Variants in PLXNA1 observed in about 807,000 individuals in gnomAD.
PLXNA1 encodes the protein plexin A1, also known as plexin-A1.
PLXNA1 carries 77 observed loss-of-function variants against 191.7 expected under a neutral mutation model. That is an observed-to-expected ratio of 0.40 (90% confidence interval 0.33 to 0.49). The LOEUF is 0.49. Among genes scored for constraint, PLXNA1 ranks in the 20% least tolerant of loss-of-function variants. The probability of loss-of-function intolerance (pLI) is 0.63; values close to 1 mark genes in which losing one functional copy is unlikely to be tolerated. For synonymous variants in PLXNA1, 1,137 were observed against 1,156.4 expected (o/e 0.98, Z 0.34); for missense variants, 2,110 against 2,660.2 (o/e 0.79, Z 4.55).
Position 127,018,322 on chromosome 3 carries a change from C to T in PLXNA1, c.3689C>T (p.Pro1230Leu), listed in dbSNP as rs1461950901. ...TVRAGGFEFS[P>L]GTLQVYSDSL... Reference sequence around the variant, plus strand: ...CGGGCAGGTGGCTTCGAGTTCTCGCCAGGGACACTGCAGGTGTACTCGGAC... The same window carrying T: ...CGGGCAGGTGGCTTCGAGTTCTCGCTAGGGACACTGCAGGTGTACTCGGAC... Residue 1230 changes from proline (P) to leucine (L), a missense_variant, in exon 20 of 32, where the codon CCA (proline) becomes CTA (leucine). Coordinates refer to ENST00000393409, the MANE Select transcript of PLXNA1 (RefSeq NM_032242.4). The T allele has an allele frequency of 1.2e-6, 2 of 1,611,004 alleles. No individual in the cohort carries two copies. Among genetic ancestry groups the T allele is most frequent in the South Asian group, 2.2e-5 (2 of 90,836 alleles).
chr3:126,988,346 G>A (rs1370574455), intron 1 of PLXNA1, among the ~76,000 whole-genome samples, 175 bp from the exon 2 acceptor site: 1 of 152,164 alleles, frequency 6.6e-6, no homozygotes, highest in African/African-American at 2.4e-5. Flanking sequence ...CAGCTTATAG[G>A]GCCTCAGGCC....
chr3:127,000,281 C>G (rs535259165), intron 3 of PLXNA1, among the ~76,000 whole-genome samples: 1 of 152,124 alleles, frequency 6.6e-6, no homozygotes, highest in South Asian at 2.1e-4. Flanking sequence ...TTCCCATGCC[C>G]GGGACACGTC....
At chr3:126,983,485 G>T (rs1380035631) in intron 1 of PLXNA1, among the ~76,000 whole-genome samples, 198 bp downstream of exon 1, 2 of 146,188 alleles carry the variant, frequency 1.4e-5, no homozygotes, top group African/African-American at 4.9e-5. Context: ...CGCGGCCCGC[G>T]TGTCCCTGCG....
intron 29 of PLXNA1, among the ~76,000 whole-genome samples, 162 bp from the exon 30 acceptor site, chr3:127,032,225 C>T (rs1344586858): frequency 2.0e-5 from 3 of 152,178 alleles, no homozygotes; most frequent in African/African-American, 4.8e-5. Context: ...TGGCAGGGGA[C>T]GGCCTTCACT....
intron 9 of PLXNA1, among the ~76,000 whole-genome samples, chr3:127,008,321 A>T (rs912721230): frequency 6.6e-6 from 1 of 152,174 alleles, no homozygotes; most frequent in Non-Finnish European, 1.5e-5. Flanking sequence ...CTGGCTGGGC[A>T]GGCACAGAGG....
intron 4 of PLXNA1, 142 bp downstream of exon 4, chr3:127,003,612 G>T: frequency 2.0e-6 from 2 of 995,468 alleles, no homozygotes; most frequent in Non-Finnish European, 1.4e-6. Context: ...AAGCTGGTCT[G>T]TGCTCTGCCT....
At chr3:127,016,828 A>T (rs1022029215) in intron 16 of PLXNA1, 116 bp from the exon 17 acceptor site, 5 of 1,377,676 alleles carry the variant, frequency 3.6e-6, no homozygotes, top group East Asian at 2.3e-5. Flanking sequence ...AAGAGCTTTT[A>T]CCTGTTTCCT....
At chr3:127,027,513 G>C in intron 23 of PLXNA1, 2 of 373,392 alleles carry the variant, frequency 5.4e-6, no homozygotes, top group Non-Finnish European at 1.1e-5. Context: ...TGCCATGGGC[G>C]GTGGGCCATG....
In PLXNA1 at chr3:127,005,087, C is replaced by T. The variant is rs1249574177; in HGVS notation, c.1744-3C>T. On this transcript the variant is annotated splice_polypyrimidine_tract_variant and splice_region_variant and intron_variant, in intron 6 of 31. Transcript: ENST00000393409. ...CTCACCATGCCTCCTGCTGCCTGCC[C>T]AGCTTGTGCTGCAGGCCTGGAACGT... 1.2e-6 allele frequency: 2 copies of T among 1,612,382 alleles called. No individual in the cohort carries two copies. Among genetic ancestry groups the T allele is most frequent in the South Asian group, 1.1e-5 (1 of 91,046 alleles).
rs763302670 is a variant in PLXNA1, at chr3:127,032,666, A to T, written c.5445-20A>T. The stretch of plus-strand genomic sequence containing the variant: ...CAGCCTGGACTCTGCTCATGTGCCC[A>T]CCTGGCCACTCACCTGCAGGTACTA... On this transcript the variant is annotated intron_variant, in intron 30 of 31. Coordinates refer to ENST00000393409, the MANE Select transcript of PLXNA1 (RefSeq NM_032242.4). 10 of 1,611,990 alleles carry T rather than the reference A, an allele frequency of 6.2e-6. No homozygotes were observed. The highest frequency in any genetic ancestry group is 8.5e-6 in the Non-Finnish European group (10 of 1,179,322).
At position 127,015,314 on chromosome 3, in the gene PLXNA1, TCTC is replaced by T; in HGVS notation, c.3011_3013del (p.Ser1004del). On this transcript the variant is annotated inframe_deletion, in exon 15 of 32. Transcript: ENST00000393409. ...TCGGTCGGTGGCCGGCCCTGCTCCTTCTCCTGGTACGGGGTGCAGGTGGGGGTG... is the reference window on the plus strand; with the variant it reads ...TCGGTCGGTGGCCGGCCCTGCTCCTTCTGGTACGGGGTGCAGGTGGGGGTG... 6.3e-7 allele frequency: 1 copy of T among 1,596,054 alleles called. No homozygotes were observed. Among genetic ancestry groups the T allele is most frequent in the Non-Finnish European group, 8.5e-7 (1 of 1,172,972 alleles).
chr3:127,018,158 G>C, intron 19 of PLXNA1, 136 bp from the exon 20 acceptor site: 1 of 915,248 alleles, frequency 1.1e-6, no homozygotes, highest in South Asian at 1.7e-5. Flanking sequence ...TCTCCACCCT[G>C]GTGACCACTC....
At chr3:127,033,266 G>A (rs1243129336) in intron 31 of PLXNA1, among the ~76,000 whole-genome samples, 2 of 152,194 alleles carry the variant, frequency 1.3e-5, no homozygotes, top group African/African-American at 2.4e-5. Flanking sequence ...ACCTGGGGAC[G>A]GGGTCCAGGA....
intron 26 of PLXNA1, 67 bp from the exon 27 acceptor site, chr3:127,029,373 G>A (rs1435867791): frequency 6.8e-7 from 1 of 1,480,970 alleles, no homozygotes; most frequent in Non-Finnish European, 9.4e-7. Flanking sequence ...CCCCAGCCGG[G>A]GAGTGGGAGC....
intron 3 of PLXNA1, among the ~76,000 whole-genome samples, chr3:126,994,777 A>G (rs1254301158): frequency 2.0e-5 from 3 of 152,122 alleles, no homozygotes; most frequent in Admixed American, 1.3e-4. Context: ...AAGGAGGGCC[A>G]TGCTGAGCCC....
At chr3:127,002,505 C>G (rs1196931592) in intron 3 of PLXNA1, among the ~76,000 whole-genome samples, 1 of 152,202 alleles carries the variant, frequency 6.6e-6, no homozygotes, top group Non-Finnish European at 1.5e-5. Flanking sequence ...AGGAGGGGTA[C>G]TGAGTCTGGG....
intron 23 of PLXNA1, among the ~76,000 whole-genome samples, chr3:127,023,614 C>T (rs1249362683): frequency 1.3e-5 from 2 of 152,208 alleles, no homozygotes; most frequent in Non-Finnish European, 1.5e-5. Flanking sequence ...TCCTGGTTTC[C>T]TTATGGAATC....
chr3:126,999,207 C>T (rs9823760), intron 3 of PLXNA1, among the ~76,000 whole-genome samples: 11,914 of 152,236 alleles, frequency 0.078, 576 homozygotes, highest in South Asian at 0.21. Context: ...TCCTGCCCCT[C>T]GGGCAGCCCT....
chr3:127,002,667 C>G (rs2079046699), intron 3 of PLXNA1, among the ~76,000 whole-genome samples: 2 of 152,258 alleles, frequency 1.3e-5, no homozygotes, highest in African/African-American at 4.8e-5. Flanking sequence ...CTCTGGAAAG[C>G]CCCGTGGGTC....
Sources: allele counts gnomAD v4.1 joint callset (sites outside exome capture counted in the v4.1 genomes callset), GRCh38; gene constraint gnomAD v4.1.1; transcripts MANE v1.5; gene names NCBI Gene and HGNC (gene_info 2026-07-23, HGNC 2026-07-21).